Variants in WASF1 observed in about 807,000 individuals in gnomAD.
WASF1 encodes WASP family member 1.
Under a neutral mutation model 50.5 loss-of-function variants are expected in WASF1, and 7 were observed. The ratio of observed to expected loss-of-function variants is 0.14; its 90% CI spans 0.08 to 0.26. The LOEUF (loss-of-function observed/expected upper bound fraction) is 0.26. Among genes scored for constraint, WASF1 ranks in the 10% least tolerant of loss-of-function variants. The probability of loss-of-function intolerance (pLI) is 1.00; values close to 1 mark genes in which losing one functional copy is unlikely to be tolerated. For synonymous variants in WASF1, 205 were observed against 244.0 expected (o/e 0.84, Z 1.49); for missense variants, 470 against 694.7 (o/e 0.68, Z 3.64).
rs568952020 is a variant in WASF1 at position 110,174,408 on chromosome 6, T to C, written c.-127+4190A>G. Among the ~76,000 whole-genome samples, 106 of 152,296 alleles carry C rather than the reference T, an allele frequency of 7.0e-4. 2 individuals are homozygous for C. The highest frequency in any genetic ancestry group is 3.4e-3 in the Middle Eastern group (1 of 294). On this transcript the variant is annotated intron_variant, in intron 2 of 10. Transcript: ENST00000392589. Reference sequence around the variant, plus strand: ...CAATAATTATGTGCTGATTATGAACTATGAATCACTGGTTTAACAAGGGGG... The same window carrying C: ...CAATAATTATGTGCTGATTATGAACCATGAATCACTGGTTTAACAAGGGGG...
chr6:110,145,530 C>A (rs1775515494), intron 3 of WASF1, among the ~76,000 whole-genome samples: 1 of 152,144 alleles, frequency 6.6e-6, no homozygotes. Flanking sequence ...GCATCCCTGT[C>A]TTGTGCCAGT....
chr6:110,175,811 A>G (rs1023429502), intron 2 of WASF1, among the ~76,000 whole-genome samples: 16 of 152,202 alleles, frequency 1.1e-4, no homozygotes, highest in African/African-American at 3.9e-4. Flanking sequence ...CATGTCTAAC[A>G]CAAGAGTTAC....
At chr6:110,114,675 T>A (rs1773714995) in intron 4 of WASF1, among the ~76,000 whole-genome samples, 1 of 152,050 alleles carries the variant, frequency 6.6e-6, no homozygotes, top group South Asian at 2.1e-4. Context: ...GCTTTGATAC[T>A]TTCAGGAAGA....
At chr6:110,168,010 A>T (rs1776546720) in intron 2 of WASF1, among the ~76,000 whole-genome samples, 1 of 152,060 alleles carries the variant, frequency 6.6e-6, no homozygotes, top group Admixed American at 6.6e-5. Context: ...TAGCCTTAAA[A>T]TTTAACAGTA....
chr6:110,100,272 T>G lies in WASF1; in HGVS notation c.*250A>C. On this transcript the variant is annotated 3_prime_UTR_variant, in exon 11 of 11. Coordinates refer to ENST00000392589, the MANE Select transcript of WASF1 (RefSeq NM_003931.3). ...CTGCTACTCTAACAACAGCTGTCCA[T>G]GCTTAATACTTAGTGGTTTATTTGA... 2.7e-6 allele frequency: 1 copy of G among 367,600 alleles called. No individual in the cohort carries two copies. The allele number at this position is 367,600 out of a possible 1,614,324, so 22.8% of individuals were successfully genotyped here.
chr6:110,160,175 G>C (rs973731705), intron 3 of WASF1, among the ~76,000 whole-genome samples: 1 of 151,758 alleles, frequency 6.6e-6, no homozygotes. Context: ...AAGAAAAACA[G>C]CTGATTTAAA....
At chr6:110,157,625 T>C (rs1776094299) in intron 3 of WASF1, among the ~76,000 whole-genome samples, 1 of 30,256 alleles carries the variant, frequency 3.3e-5, no homozygotes, top group Non-Finnish European at 5.2e-5. Flanking sequence ...GGCATCCCTG[T>C]CTTGTGCCGG....
intron 3 of WASF1, among the ~76,000 whole-genome samples, chr6:110,140,579 G>A (rs542478083): frequency 6.6e-6 from 1 of 152,288 alleles, no homozygotes; most frequent in Admixed American, 6.5e-5. Context: ...GGTAGATAGT[G>A]TCAGAATTGA....
intron 3 of WASF1, among the ~76,000 whole-genome samples, chr6:110,131,529 T>C (rs1774670630): frequency 6.6e-6 from 1 of 152,198 alleles, no homozygotes; most frequent in Non-Finnish European, 1.5e-5. Context: ...TCAGGCTTTA[T>C]AGTAAGTTCG....
At chr6:110,171,833 CAAG>C (rs1776729513) in intron 2 of WASF1, among the ~76,000 whole-genome samples, 1 of 151,206 alleles carries the variant, frequency 6.6e-6, no homozygotes, top group Admixed American at 6.6e-5. Context: ...AACAAATTTA[CAAG>C]AAAAAAACAA....
At chr6:110,105,706 G>C in intron 7 of WASF1, 127 bp from the exon 8 acceptor site, 1 of 891,618 alleles carries the variant, frequency 1.1e-6, no homozygotes. Flanking sequence ...TATAGTAAAA[G>C]TAACACAGAA....
intron 9 of WASF1, 73 bp downstream of exon 9, chr6:110,103,301 ATACT>A (rs1349026212): frequency 3.1e-5 from 46 of 1,486,016 alleles, no homozygotes; most frequent in Non-Finnish European, 3.8e-5. Context: ...AAAGCCAAAA[ATACT>A]TACTATATCG....
At chr6:110,124,932 C>T (rs1486117675) in intron 4 of WASF1, among the ~76,000 whole-genome samples, 1 of 151,972 alleles carries the variant, frequency 6.6e-6, no homozygotes, top group Non-Finnish European at 1.5e-5. Context: ...AAAGGAAGTA[C>T]ATTTTTGTGA....
chr6:110,142,812 A>C (rs980691508), intron 3 of WASF1, among the ~76,000 whole-genome samples: 2 of 152,002 alleles, frequency 1.3e-5, no homozygotes, highest in African/African-American at 4.8e-5. Context: ...ATCAGTGCCT[A>C]ACTTGCTTAA....
chr6:110,178,794 T>C (rs1451292923), intron 1 of WASF1, 52 bp from the exon 2 acceptor site: 1 of 152,718 alleles, frequency 6.5e-6, no homozygotes, highest in African/African-American at 2.4e-5. Context: ...TGCTGCATAG[T>C]TGAATAATTA....
chr6:110,124,021 C>T (rs1457041390), intron 4 of WASF1, among the ~76,000 whole-genome samples: 3 of 151,866 alleles, frequency 2.0e-5, no homozygotes, highest in African/African-American at 7.3e-5. Flanking sequence ...ACCTCTGACC[C>T]ACCCCACAAG....
chr6:110,165,112 CAT>C (rs1012252669), intron 2 of WASF1, among the ~76,000 whole-genome samples: 2 of 151,650 alleles, frequency 1.3e-5, no homozygotes, highest in African/African-American at 2.4e-5. Context: ...AAATGGCAGA[CAT>C]GTGAAATTAC....
rs147981336 is a variant in WASF1, at chr6:110,132,474, G to A, written c.-28-4845C>T. Among the ~76,000 whole-genome samples, 301 of 151,660 alleles carry A rather than the reference G, an allele frequency of 2.0e-3. 2 individuals carry two copies. Among genetic ancestry groups the A allele is most frequent in the African/African-American group, 6.4e-3 (266 of 41,364 alleles). ...ACATTTCACAAGGCGTCTGTAATACGGTTTTTTTTGTGGTTATTTTGTTTT... is the reference window on the plus strand; with the variant it reads ...ACATTTCACAAGGCGTCTGTAATACAGTTTTTTTTGTGGTTATTTTGTTTT... On this transcript the variant is annotated intron_variant, in intron 3 of 10. Transcript: ENST00000392589.
chr6:110,152,512 G>GA (rs1245688433), intron 3 of WASF1, among the ~76,000 whole-genome samples: 1 of 152,030 alleles, frequency 6.6e-6, no homozygotes, highest in East Asian at 1.9e-4. Context: ...TATCCATCAG[G>GA]AAAAATAGAA....
Sources: gnomAD v4.1 joint callset for allele counts (sites outside exome capture counted in the v4.1 genomes callset) on GRCh38, gnomAD v4.1.1 for gene constraint, MANE v1.5 for transcripts, NCBI Gene and HGNC (gene_info 2026-07-23, HGNC 2026-07-21) for gene names.